Variants in ZNF804A observed in about 807,000 individuals in gnomAD.
ZNF804A encodes zinc finger protein 804A.
A neutral mutation model predicts 16.5 loss-of-function variants in ZNF804A; 2 were observed. That is an observed-to-expected ratio of 0.12 (90% CI 0.05 to 0.38). The LOEUF is 0.38. ZNF804A is among the 10% of genes least tolerant of loss of function. The pLI is 0.99. For missense variants in ZNF804A, 1,473 were observed against 1,390.7 expected, an observed-to-expected ratio of 1.06 and a Z score of -0.94; for synonymous variants, 534 against 489.6, an observed-to-expected ratio of 1.09 and a Z score of -1.20.
intron 1 of ZNF804A, among the ~76,000 whole-genome samples, chr2:184,838,501 A>G (rs1449772476): frequency 6.6e-6 from 1 of 152,124 alleles, no homozygotes; most frequent in Non-Finnish European, 1.5e-5. Flanking sequence ...TTCTATAGAG[A>G]TTTCTAGGAA....
In ZNF804A at chr2:184,685,462, CCCT is replaced by C. The variant is rs1171731331; in HGVS notation, c.111+86393_111+86395del. Among the ~76,000 whole-genome samples, 7 of 152,030 alleles carry C rather than the reference CCCT, an allele frequency of 4.6e-5. 1 individual carries two copies. In the East Asian group the frequency reaches 9.7e-4, roughly 21 times the overall value. ...TTTGTGTTACAGCTCTTTCAGTCCC[CCCT>C]TTTGTAGGGTCCTGAGTTCTTGGCC... On this transcript the variant is annotated intron_variant, in intron 1 of 3. Transcript: ENST00000302277.
At chr2:184,695,824 A>G (rs948131794) in intron 1 of ZNF804A, among the ~76,000 whole-genome samples, 5 of 152,112 alleles carry the variant, frequency 3.3e-5, no homozygotes, top group African/African-American at 1.2e-4. Context: ...TAGGATTTAT[A>G]TATGTATATA....
At chr2:184,778,135 C>T (rs1694316395) in intron 1 of ZNF804A, among the ~76,000 whole-genome samples, 1 of 151,574 alleles carries the variant, frequency 6.6e-6, no homozygotes, top group Non-Finnish European at 1.5e-5. Context: ...TGTGTTAAAG[C>T]TCCTGTTATG....
chr2:184,604,240 G>A (rs1173794944), intron 1 of ZNF804A, among the ~76,000 whole-genome samples: 1 of 126,456 alleles, frequency 7.9e-6, no homozygotes, highest in Non-Finnish European at 1.6e-5. Flanking sequence ...GCGCCATCTC[G>A]GCTCACTGCA....
At chr2:184,802,339 T>C (rs1032573784) in intron 1 of ZNF804A, among the ~76,000 whole-genome samples, 3 of 152,178 alleles carry the variant, frequency 2.0e-5, no homozygotes, top group Admixed American at 1.3e-4. Context: ...AAACCTTTGT[T>C]ATGTAGATTA....
chr2:184,936,443 TG>T lies in ZNF804A; in HGVS notation c.1049del (p.Gly350ValfsTer7), dbSNP rs775533059. The part of the protein sequence containing the change: ...VVINEDIPVS[G>X]NSFELLGNKS... ...TTATTAATGAAGACATACCTGTTAG[TG>T]GTAACAGTTTTGAGTTGTTAGGAAA... On this transcript the variant is annotated frameshift_variant, in exon 4 of 4. Transcript: ENST00000302277. LOFTEE classifies it low-confidence loss of function (END_TRUNC). 1 of 1,613,922 alleles carries T rather than the reference TG, an allele frequency of 6.2e-7. No individual in the cohort carries two copies. Among genetic ancestry groups the T allele is most frequent in the Non-Finnish European group, 8.5e-7 (1 of 1,179,914 alleles).
intron 2 of ZNF804A, among the ~76,000 whole-genome samples, chr2:184,931,066 G>T (rs1685690807): frequency 6.6e-6 from 1 of 152,158 alleles, no homozygotes; most frequent in African/African-American, 2.4e-5. Context: ...AAAACCACTG[G>T]ATCTCATGAG....
At chr2:184,699,340 A>T (rs1692883792) in intron 1 of ZNF804A, among the ~76,000 whole-genome samples, 1 of 152,148 alleles carries the variant, frequency 6.6e-6, no homozygotes, top group Admixed American at 6.6e-5. Context: ...CATAAGTAAT[A>T]CCAATCTGAA....
intron 1 of ZNF804A, among the ~76,000 whole-genome samples, chr2:184,613,677 A>T (rs1462595883): frequency 6.6e-6 from 1 of 152,170 alleles, no homozygotes; most frequent in African/African-American, 2.4e-5. Flanking sequence ...CTGATATAAG[A>T]AGAATTGGTG....
intron 1 of ZNF804A, among the ~76,000 whole-genome samples, chr2:184,687,099 G>T (rs1052958624): frequency 6.6e-6 from 1 of 152,080 alleles, no homozygotes; most frequent in African/African-American, 2.4e-5. Flanking sequence ...CTTTGCCAAC[G>T]CCAATGTTGA....
intron 1 of ZNF804A, among the ~76,000 whole-genome samples, chr2:184,766,091 C>T (rs1008753602): frequency 1.3e-5 from 2 of 152,004 alleles, no homozygotes; most frequent in Admixed American, 6.6e-5. Context: ...CAACATGTAT[C>T]GATGTACAAT....
At chr2:184,879,778 A>C (rs942562350) in intron 2 of ZNF804A, among the ~76,000 whole-genome samples, 3 of 152,042 alleles carry the variant, frequency 2.0e-5, no homozygotes, top group Admixed American at 6.6e-5. Flanking sequence ...ACAATGAGAC[A>C]TTGCAAAGAA....
intron 1 of ZNF804A, among the ~76,000 whole-genome samples, chr2:184,659,174 A>G (rs926658475): frequency 3.3e-5 from 5 of 152,180 alleles, no homozygotes; most frequent in African/African-American, 1.2e-4. Flanking sequence ...ACAGGCAAAA[A>G]ATAAGGAAAT....
intron 2 of ZNF804A, among the ~76,000 whole-genome samples, chr2:184,882,433 G>T (rs1684822614): frequency 6.6e-6 from 1 of 152,060 alleles, no homozygotes; most frequent in African/African-American, 2.4e-5. Context: ...TTCAGGACTT[G>T]AACATAACAT....
chr2:184,837,263 G>A (rs1302174742), intron 1 of ZNF804A, among the ~76,000 whole-genome samples: 1 of 152,058 alleles, frequency 6.6e-6, no homozygotes, highest in Admixed American at 6.6e-5. Context: ...ATCTGGTATA[G>A]TGATTGGTAA....
At chr2:184,778,214 T>A (rs901306283) in intron 1 of ZNF804A, among the ~76,000 whole-genome samples, 6 of 151,582 alleles carry the variant, frequency 4.0e-5, no homozygotes, top group Non-Finnish European at 5.9e-5. Context: ...TTTATAATGA[T>A]TTCATTCTGT....
At chr2:184,866,969 G>A (rs919690796) in intron 2 of ZNF804A, among the ~76,000 whole-genome samples, 4 of 151,270 alleles carry the variant, frequency 2.6e-5, no homozygotes, top group African/African-American at 2.4e-5. Flanking sequence ...TTGGATTTAA[G>A]CTACTATGAA....
At chr2:184,847,765 C>T (rs185864906) in intron 1 of ZNF804A, among the ~76,000 whole-genome samples, 2 of 152,146 alleles carry the variant, frequency 1.3e-5, no homozygotes, top group East Asian at 3.9e-4. Flanking sequence ...GTACTTCTGA[C>T]CATTGGCTCT....
intron 1 of ZNF804A, among the ~76,000 whole-genome samples, chr2:184,726,092 C>G (rs1693405531): frequency 6.6e-6 from 1 of 151,638 alleles, no homozygotes; most frequent in Non-Finnish European, 1.5e-5. Context: ...CGGCTATGAA[C>G]AATAATATAC....
Sources: allele counts gnomAD v4.1 joint callset (sites outside exome capture counted in the v4.1 genomes callset), GRCh38; gene constraint gnomAD v4.1.1; transcripts MANE v1.5; gene names NCBI Gene and HGNC (gene_info 2026-07-23, HGNC 2026-07-21).